The following FOXK1 variants were observed in gnomAD, a reference collection of about 807,000 sequenced individuals.
The protein encoded by FOXK1 is forkhead box protein K1.
Under a neutral mutation model 51.9 loss-of-function variants are expected in FOXK1, and 19 were observed. That is an observed-to-expected ratio of 0.37 (90% CI 0.26 to 0.54). The LOEUF (loss-of-function observed/expected upper bound fraction) is 0.54. Among genes scored for constraint, FOXK1 ranks in the 20% least tolerant of loss-of-function variants. The pLI is 0.87. For synonymous variants in FOXK1, 537 were observed against 482.6 expected (o/e 1.11, Z -1.48); for missense variants, 870 against 1,032.7 (o/e 0.84, Z 2.16).
chr7:4,684,038 G>C (rs894443851), intron 1 of FOXK1, among the ~76,000 whole-genome samples: 19 of 152,152 alleles, frequency 1.2e-4, no homozygotes, highest in Non-Finnish European at 2.4e-4. Context: ...AGGCCTGTCG[G>C]TGCCTTTGGT....
In FOXK1 at chr7:4,709,580, C is replaced by T. The variant is rs1202762052; in HGVS notation, c.560+26712C>T. On this transcript the variant is annotated intron_variant, in intron 1 of 8. Transcript: ENST00000328914. This position sits in a 1 kb window ranked among gnomAD's most constrained non-coding sequence, Gnocchi z 5.6. ...GCCCTGTGCACAGTTGGCTTCGCAG[C>T]AGGCCTGTGTGGTCTGCTAGAAAAG... Among the ~76,000 whole-genome samples the T allele has an allele frequency of 1.3e-5, 2 of 152,226 alleles. No individual in the cohort carries two copies. Among genetic ancestry groups the T allele is most frequent in the East Asian group, 3.9e-4 (2 of 5,188 alleles).
Position 4,756,297 on chromosome 7 carries a change from T to C in FOXK1, c.1051-697T>C, listed in dbSNP as rs7778310. Reference sequence around the variant, plus strand: ...ACCTGGCTATTTTTTGTATTTTTAGTAGAGATGGGGTTTCACCATGTTGCC... The same window carrying C: ...ACCTGGCTATTTTTTGTATTTTTAGCAGAGATGGGGTTTCACCATGTTGCC... On this transcript the variant is annotated intron_variant, in intron 4 of 8. Coordinates refer to ENST00000328914, the MANE Select transcript of FOXK1 (RefSeq NM_001037165.2). This position sits in a 1 kb window ranked among gnomAD's most constrained non-coding sequence, Gnocchi z 4.1. Among the ~76,000 whole-genome samples, 3,260 of 152,110 alleles carry C rather than the reference T, an allele frequency of 0.021. 128 individuals carry two copies. Among genetic ancestry groups the C allele is most frequent in the African/African-American group, 0.073 (3,036 of 41,496 alleles).
In FOXK1 at chr7:4,730,987, C is replaced by T. The variant is rs1326739154; in HGVS notation, c.561-9851C>T. On this transcript the variant is annotated intron_variant, in intron 1 of 8. Transcript: ENST00000328914. This position sits in a 1 kb window ranked among gnomAD's most constrained non-coding sequence, Gnocchi z 4.7. ...TTGGAGACTAGCCTGGGCAACATAA[C>T]AAGACCCTGTCTCTACAAAAAATCA... is the stretch of plus-strand genomic sequence containing the variant. 1.3e-5 allele frequency among the ~76,000 whole-genome samples: 2 copies of T among 152,004 alleles called. No homozygotes were observed. The highest frequency in any genetic ancestry group is 2.4e-5 in the African/African-American group (1 of 41,386).
chr7:4,683,525 A>G lies in FOXK1; in HGVS notation c.560+657A>G, dbSNP rs1458513341. Among the ~76,000 whole-genome samples the G allele has an allele frequency of 6.7e-6, 1 of 149,672 alleles. No homozygotes were observed. Among genetic ancestry groups the G allele is most frequent in the African/African-American group, 2.5e-5 (1 of 40,420 alleles). On this transcript the variant is annotated intron_variant, in intron 1 of 8. Transcript: ENST00000328914. This position sits in a 1 kb window ranked among gnomAD's most constrained non-coding sequence, Gnocchi z 4.5. ...CAGCTGGGTTACTGAGGTCACCTTG[A>G]CCCCAGTCCCTGCTGCCTGGGCCTG...
chr7:4,711,959 C>T lies in FOXK1; in HGVS notation c.561-28879C>T, dbSNP rs1411019459. Among the ~76,000 whole-genome samples the T allele has an allele frequency of 1.3e-5, 2 of 151,852 alleles. No homozygotes were observed. The highest frequency in any genetic ancestry group is 2.4e-5 in the African/African-American group (1 of 41,352). ...CGGGGGAGGGGCAGAGGGCAGGTGCCGCCGAGCAGGAGGGAGGACGCGGCA... is the reference window on the plus strand; with the variant it reads ...CGGGGGAGGGGCAGAGGGCAGGTGCTGCCGAGCAGGAGGGAGGACGCGGCA... On this transcript the variant is annotated intron_variant, in intron 1 of 8. Coordinates refer to ENST00000328914, the MANE Select transcript of FOXK1 (RefSeq NM_001037165.2). This position sits in a 1 kb window ranked among gnomAD's most constrained non-coding sequence, Gnocchi z 6.3.
rs116161088 is a variant in FOXK1 at position 4,716,202 on chromosome 7, C to T, written c.561-24636C>T. 3.0e-3 allele frequency among the ~76,000 whole-genome samples: 441 copies of T among 146,980 alleles called. 5 individuals carry two copies. Among genetic ancestry groups the T allele is most frequent in the African/African-American group, 8.3e-3 (330 of 39,712 alleles). The stretch of plus-strand genomic sequence containing the variant: ...CGCCTCTGCACTCCAGCCTGTGCAA[C>T]ATGTGCAACAGAACAAGACCCTATC... On this transcript the variant is annotated intron_variant, in intron 1 of 8. Transcript: ENST00000328914.
chr7:4,716,119 G>T (rs1335166980), intron 1 of FOXK1, among the ~76,000 whole-genome samples: 1 of 152,050 alleles, frequency 6.6e-6, no homozygotes, highest in Non-Finnish European at 1.5e-5. Context: ...TACCTGGGAG[G>T]CTGAGGCAGG....
chr7:4,704,615 G>A (rs544264895), intron 1 of FOXK1, among the ~76,000 whole-genome samples: 10 of 152,096 alleles, frequency 6.6e-5, no homozygotes, highest in South Asian at 6.2e-4. Flanking sequence ...TGGGATCCAC[G>A]CAGCACGCAG....
intron 1 of FOXK1, among the ~76,000 whole-genome samples, chr7:4,725,626 G>A (rs915935686): frequency 6.6e-6 from 1 of 152,268 alleles, no homozygotes; most frequent in Non-Finnish European, 1.5e-5. Context: ...CGGGCGTGTG[G>A]CTGTGTTGGG....
In FOXK1 at chr7:4,683,560, C is replaced by G. The variant is rs1020317970; in HGVS notation, c.560+692C>G. ...CTGCTGCCTGGGCCTGGGGATCACCCTCAACCCTTCCAGGTCACCCTGGAC... is the reference window on the plus strand; with the variant it reads ...CTGCTGCCTGGGCCTGGGGATCACCGTCAACCCTTCCAGGTCACCCTGGAC... On this transcript the variant is annotated intron_variant, in intron 1 of 8. Transcript: ENST00000328914. This position sits in a 1 kb window ranked among gnomAD's most constrained non-coding sequence, Gnocchi z 4.5. 5.3e-5 allele frequency among the ~76,000 whole-genome samples: 8 copies of G among 151,918 alleles called. No individual in the cohort carries two copies. Among genetic ancestry groups the G allele is most frequent in the African/African-American group, 1.9e-4 (8 of 41,350 alleles).
rs1562396627 is a variant in FOXK1 at position 4,768,940 on chromosome 7, TG to T, written c.*6477del. ...CGGGGCCAGCCATTCCCGGGAGGCC[TG>T]AGTGTGACCTGGAAGCTCTGTGGGT... On this transcript the variant is annotated 3_prime_UTR_variant, in exon 9 of 9. Coordinates refer to ENST00000328914, the MANE Select transcript of FOXK1 (RefSeq NM_001037165.2). 6.6e-6 allele frequency: 1 copy of T among 152,270 alleles called. No homozygotes were observed. The allele number at this position is 152,270 out of a possible 1,614,324, so 9.4% of individuals were successfully genotyped here. A position where few individuals can be genotyped will look rare whatever the true frequency, so the allele number is the denominator to read the frequency against.
chr7:4,690,947 A>G (rs2115029467), intron 1 of FOXK1, among the ~76,000 whole-genome samples: 1 of 152,316 alleles, frequency 6.6e-6, no homozygotes, highest in South Asian at 2.1e-4. Flanking sequence ...ATTATATAAA[A>G]TGCTTTTAGT....
intron 1 of FOXK1, among the ~76,000 whole-genome samples, chr7:4,724,503 C>T (rs150688594): frequency 7.2e-5 from 11 of 152,202 alleles, no homozygotes; most frequent in East Asian, 1.9e-4. Context: ...GCCCAGAGTT[C>T]GCTTTTTCTT....
At chr7:4,736,953 CTG>C (rs939907365) in intron 1 of FOXK1, among the ~76,000 whole-genome samples, 3 of 152,208 alleles carry the variant, frequency 2.0e-5, no homozygotes, top group Non-Finnish European at 1.5e-5. Context: ...TTCCACCCCA[CTG>C]GAGTTGGGGA....
rs1780328088 is a variant in FOXK1 at position 4,722,538 on chromosome 7, C to G, written c.561-18300C>G. 6.6e-6 allele frequency among the ~76,000 whole-genome samples: 1 copy of G among 152,240 alleles called. No homozygotes were observed. Among genetic ancestry groups the G allele is most frequent in the Admixed American group, 6.5e-5 (1 of 15,278 alleles). ...GTGCCAGCGTGCTGGGACGGGTACA[C>G]TCGTGCCTGTTAACCGCACACCTGC... On this transcript the variant is annotated intron_variant, in intron 1 of 8. Transcript: ENST00000328914. This position sits in a 1 kb window ranked among gnomAD's most constrained non-coding sequence, Gnocchi z 5.1.
rs1780110516 is a variant in FOXK1 at position 4,707,021 on chromosome 7, C to A, written c.560+24153C>A. Among the ~76,000 whole-genome samples, 1 of 152,220 alleles carries A rather than the reference C, an allele frequency of 6.6e-6. No individual in the cohort carries two copies. ...CCTACTTCATGCCCTAATTGAATTC[C>A]ATTGCATTTTCTTCTTAAAATAAAA... On this transcript the variant is annotated intron_variant, in intron 1 of 8. Coordinates refer to ENST00000328914, the MANE Select transcript of FOXK1 (RefSeq NM_001037165.2). This position sits in a 1 kb window ranked among gnomAD's most constrained non-coding sequence, Gnocchi z 4.1.
chr7:4,712,276 G>A (rs982907006), intron 1 of FOXK1, among the ~76,000 whole-genome samples: 4 of 152,050 alleles, frequency 2.6e-5, no homozygotes, highest in East Asian at 3.9e-4. Flanking sequence ...GATTTACTCC[G>A]GCACTTGGTT....
intron 1 of FOXK1, among the ~76,000 whole-genome samples, chr7:4,712,425 C>T (rs764267024): frequency 2.0e-5 from 3 of 152,118 alleles, no homozygotes; most frequent in Non-Finnish European, 4.4e-5. Flanking sequence ...AGACGCCTTT[C>T]GCCTTACGTC....
rs1429192345 is a variant in FOXK1 at position 4,703,487 on chromosome 7, TC to T, written c.560+20624del. Among the ~76,000 whole-genome samples, 1 of 151,722 alleles carries T rather than the reference TC, an allele frequency of 6.6e-6. No individual in the cohort carries two copies. The highest frequency in any genetic ancestry group is 2.4e-5 in the African/African-American group (1 of 41,256). ...TCCTGGTGTCCTCGCCCCACAAGGC[TC>T]CCCCAGGGTGGCCCGACCCTGCTGC... On this transcript the variant is annotated intron_variant, in intron 1 of 8. Coordinates refer to ENST00000328914, the MANE Select transcript of FOXK1 (RefSeq NM_001037165.2). This position sits in a 1 kb window ranked among gnomAD's most constrained non-coding sequence, Gnocchi z 5.6.
Sources: gnomAD v4.1 joint callset for allele counts (sites outside exome capture counted in the v4.1 genomes callset) on GRCh38, gnomAD v4.1.1 for gene constraint, Gnocchi (gnomAD v3.1) non-coding constraint, MANE v1.5 for transcripts, NCBI Gene and HGNC (gene_info 2026-07-23, HGNC 2026-07-21) for gene names.